The following RASGEF1A variants were observed in gnomAD, a reference collection of about 807,000 sequenced individuals.
RASGEF1A encodes the protein RasGEF domain family member 1A, also known as ras-GEF domain-containing family member 1A.
Under a neutral mutation model 56.4 loss-of-function variants are expected in RASGEF1A, and 18 were observed. The ratio of observed to expected loss-of-function variants is 0.32; its 90% CI spans 0.22 to 0.47. RASGEF1A has a LOEUF of 0.47. RASGEF1A is among the 20% of genes least tolerant of loss of function. The pLI is 1.00. For synonymous variants in RASGEF1A, 245 were observed against 242.6 expected (o/e 1.01, Z -0.09); for missense variants, 422 against 627.1 (o/e 0.67, Z 3.49).
intron 10 of RASGEF1A, among the ~76,000 whole-genome samples, 193 bp downstream of exon 10, chr10:43,197,811 C>T (rs999377901): frequency 1.3e-4 from 20 of 152,200 alleles, no homozygotes; most frequent in African/African-American, 3.9e-4. Flanking sequence ...CCAGAAGTAC[C>T]GGCAGGCGCA....
At chr10:43,232,897 C>A (rs1443121613) in intron 1 of RASGEF1A, among the ~76,000 whole-genome samples, 4 of 152,272 alleles carry the variant, frequency 2.6e-5, no homozygotes, top group East Asian at 3.9e-4. Context: ...TCTCTTAGAA[C>A]CTGAGTCAGA....
intron 1 of RASGEF1A, among the ~76,000 whole-genome samples, chr10:43,254,295 A>G (rs1276938892): frequency 1.3e-5 from 2 of 152,200 alleles, no homozygotes; most frequent in Non-Finnish European, 2.9e-5. Flanking sequence ...GGAGGGCTGC[A>G]AGGGGCCATG....
chr10:43,242,767 G>A (rs537337294), intron 1 of RASGEF1A, among the ~76,000 whole-genome samples: 179 of 149,968 alleles, frequency 1.2e-3, no homozygotes, highest in African/African-American at 4.0e-3. Context: ...TCCTGGCCTC[G>A]GGTGATCTGC....
intron 1 of RASGEF1A, among the ~76,000 whole-genome samples, chr10:43,259,175 G>A (rs530882747): frequency 7.2e-5 from 11 of 152,364 alleles, no homozygotes; most frequent in African/African-American, 2.6e-4. Context: ...GTGACCCCAG[G>A]AAGACAGATA....
rs1351836739 is a variant in RASGEF1A at position 43,266,918 on chromosome 10, C to G, written c.-80G>C. On this transcript the variant is annotated 5_prime_UTR_variant, in exon 1 of 13. Coordinates refer to ENST00000395810, the MANE Select transcript of RASGEF1A (RefSeq NM_145313.4). Reference sequence around the variant, plus strand: ...GGCCCCGAGCAGCGCGCGGCCGGCGCCGGCGGCGGCTCATGCTCGGCGCCC... The same window carrying G: ...GGCCCCGAGCAGCGCGCGGCCGGCGGCGGCGGCGGCTCATGCTCGGCGCCC... The G allele has an allele frequency of 6.8e-6, 1 of 146,042 alleles. No individual in the cohort carries two copies. The highest frequency in any genetic ancestry group is 1.5e-5 in the Non-Finnish European group (1 of 65,782). The allele number at this position is 146,042 out of a possible 1,614,324, so 9.0% of individuals were successfully genotyped here.
At chr10:43,266,785 G>A (rs1836633197) in intron 1 of RASGEF1A, 60 bp downstream of exon 1, 1 of 145,880 alleles carries the variant, frequency 6.9e-6, no homozygotes, top group Non-Finnish European at 1.5e-5. Context: ...CGACCGGAGG[G>A]CACGGCCCCA....
At chr10:43,263,261 G>A (rs1836568148) in intron 1 of RASGEF1A, among the ~76,000 whole-genome samples, 1 of 152,096 alleles carries the variant, frequency 6.6e-6, no homozygotes, top group Admixed American at 6.6e-5. Flanking sequence ...ATGGGTGTCT[G>A]GGAACAAGGC....
chr10:43,253,166 T>C (rs1840646610), intron 1 of RASGEF1A, among the ~76,000 whole-genome samples: 1 of 152,078 alleles, frequency 6.6e-6, no homozygotes, highest in Admixed American at 6.5e-5. Flanking sequence ...CCTGGCCAGG[T>C]CCAGCCTTCC....
At chr10:43,225,553 CTG>C (rs1431124398) in intron 1 of RASGEF1A, among the ~76,000 whole-genome samples, 2 of 150,340 alleles carry the variant, frequency 1.3e-5, no homozygotes, top group African/African-American at 4.9e-5. Context: ...ATGTGTGTCT[CTG>C]TGTGTGGGTG....
chr10:43,220,955 G>A (rs1266239111), intron 1 of RASGEF1A, among the ~76,000 whole-genome samples: 5 of 152,194 alleles, frequency 3.3e-5, no homozygotes, highest in African/African-American at 1.2e-4. Context: ...AAAGGCACCT[G>A]AAGATGATGG....
intron 1 of RASGEF1A, among the ~76,000 whole-genome samples, chr10:43,227,292 GC>G (rs951152145): frequency 6.6e-6 from 1 of 151,938 alleles, no homozygotes; most frequent in East Asian, 1.9e-4. Flanking sequence ...CTGACTGCCT[GC>G]CCCCCCGACA....
intron 1 of RASGEF1A, among the ~76,000 whole-genome samples, chr10:43,223,766 C>CA (rs1419677240): frequency 2.0e-5 from 3 of 152,002 alleles, no homozygotes; most frequent in Non-Finnish European, 2.9e-5. Flanking sequence ...CACCCTGGAT[C>CA]ATGCCTGTAA....
chr10:43,252,375 G>T (rs550197728), intron 1 of RASGEF1A, among the ~76,000 whole-genome samples: 1 of 152,256 alleles, frequency 6.6e-6, no homozygotes, highest in East Asian at 1.9e-4. Flanking sequence ...ACCAGGCCAG[G>T]AGTCAAGGGC....
intron 1 of RASGEF1A, among the ~76,000 whole-genome samples, chr10:43,228,139 C>G (rs527870956): frequency 6.6e-6 from 1 of 152,320 alleles, no homozygotes; most frequent in Admixed American, 6.5e-5. Flanking sequence ...ACTGTCCCAC[C>G]TCCTCTTGGG....
rs762902326 is a variant in RASGEF1A at position 43,203,249 on chromosome 10, G to A, written c.321+49C>T. ...GCCTCCAGCCCCTAGCCTTGACCTC[G>A]CCTCCTGCCCCCTGCCCCCGCCCGT... On this transcript the variant is annotated intron_variant, in intron 3 of 12. Transcript: ENST00000395810. 51 of 1,425,538 alleles carry A rather than the reference G, an allele frequency of 3.6e-5. No individual in the cohort carries two copies. In the Middle Eastern group the frequency reaches 1.3e-3, roughly 36 times the overall value. 88.3% of individuals were successfully genotyped at this position (1,425,538 alleles called of 1,614,324 possible). A position where few individuals can be genotyped will look rare whatever the true frequency, so the allele number is the denominator to read the frequency against.
chr10:43,229,254 G>A (rs1840325879), intron 1 of RASGEF1A, among the ~76,000 whole-genome samples: 1 of 152,128 alleles, frequency 6.6e-6, no homozygotes, highest in African/African-American at 2.4e-5. Flanking sequence ...GCCCTCCCCC[G>A]CCTGCACCTC....
intron 1 of RASGEF1A, among the ~76,000 whole-genome samples, chr10:43,209,684 C>A (rs552541273): frequency 9.8e-5 from 14 of 142,908 alleles, no homozygotes; most frequent in South Asian, 2.5e-4. Context: ...CTCAGGAAGC[C>A]CCCCCACCAG....
At chr10:43,205,076 A>AATTC (rs914667146) in intron 2 of RASGEF1A, among the ~76,000 whole-genome samples, 2 of 152,206 alleles carry the variant, frequency 1.3e-5, no homozygotes, top group African/African-American at 4.8e-5. Flanking sequence ...GCAGGTGGTG[A>AATTC]AGCCAGGCTG....
chr10:43,199,629 G>T, intron 7 of RASGEF1A, 47 bp downstream of exon 7: 1 of 1,445,358 alleles, frequency 6.9e-7, no homozygotes, highest in Non-Finnish European at 9.7e-7. Context: ...GGTCTCACTG[G>T]GTGTGGGCAT....
Sources: gnomAD v4.1 joint callset for allele counts (sites outside exome capture counted in the v4.1 genomes callset) on GRCh38, gnomAD v4.1.1 for gene constraint, MANE v1.5 for transcripts, NCBI Gene and HGNC (gene_info 2026-07-23, HGNC 2026-07-21) for gene names.